The following DHRSX variants were observed in gnomAD, a reference collection of about 807,000 sequenced individuals.
DHRSX encodes polyprenol dehydrogenase.
In DHRSX, 31 loss-of-function variants were observed where a neutral mutation model predicts 34.0. The ratio of observed to expected loss-of-function variants is 0.91; its 90% CI spans 0.69 to 1.23. The LOEUF (loss-of-function observed/expected upper bound fraction) is 1.23. Among genes scored for constraint, DHRSX ranks in the 50% most tolerant of loss-of-function variants. The probability of loss-of-function intolerance (pLI) is 0.00; values close to 1 mark genes in which losing one functional copy is unlikely to be tolerated. For missense variants in DHRSX, 414 were observed against 428.1 expected, an observed-to-expected ratio of 0.97 and a Z score of 0.29; for synonymous variants, 201 against 183.8, an observed-to-expected ratio of 1.09 and a Z score of -0.76.
At chrX:2,489,594 C>T in intron 1 of DHRSX, 1 of 1,612,648 alleles carries the variant, frequency 6.2e-7, no homozygotes, top group Non-Finnish European at 8.5e-7. Flanking sequence ...CTGTCCTCCA[C>T]CAAGACCCCG....
chrX:2,392,815 A>G (rs1245600389), intron 3 of DHRSX, among the ~76,000 whole-genome samples: 1 of 53,930 alleles, frequency 1.9e-5, no homozygotes, highest in African/African-American at 7.9e-5. Flanking sequence ...AATTATTTAT[A>G]ATGACACAAA....
At chrX:2,227,281 G>A (rs1243098350) in intron 6 of DHRSX, among the ~76,000 whole-genome samples, 1 of 151,748 alleles carries the variant, frequency 6.6e-6, no homozygotes, top group Non-Finnish European at 1.5e-5. Flanking sequence ...GTGAAGGGTT[G>A]AGTGAAAGGG....
At chrX:2,315,958 A>G (rs1306095276) in intron 3 of DHRSX, among the ~76,000 whole-genome samples, 1 of 151,974 alleles carries the variant, frequency 6.6e-6, no homozygotes, top group Non-Finnish European at 1.5e-5. Context: ...GCCTCCCAAG[A>G]TCAAGTGATT....
At position 2,351,009 on chromosome X, in the gene DHRSX, T is replaced by C. The variant is rs1013957070; in HGVS notation, c.286+57736A>G. Among the ~76,000 whole-genome samples, 48 of 152,072 alleles carry C rather than the reference T, an allele frequency of 3.2e-4. 1 individual carries two copies. Among genetic ancestry groups the C allele is most frequent in the Non-Finnish European group, 1.0e-4 (7 of 68,028 alleles). On this transcript the variant is annotated intron_variant, in intron 3 of 6. Coordinates refer to ENST00000334651, the MANE Select transcript of DHRSX (RefSeq NM_145177.3). ...AAAACCAAACACTGCCTGTTTTCAC[T>C]CATAAGTGGGAGTTGAACAATGAGA...
intron 3 of DHRSX, among the ~76,000 whole-genome samples, chrX:2,386,148 G>A (rs916328488): frequency 7.1e-6 from 1 of 141,404 alleles, no homozygotes; most frequent in Admixed American, 7.5e-5. Context: ...AAAGTATATA[G>A]ATAATCAATT....
At chrX:2,248,657 A>AGAAAAGAAAAG (rs2016361086) in intron 5 of DHRSX, among the ~76,000 whole-genome samples, 1 of 145,238 alleles carries the variant, frequency 6.9e-6, no homozygotes, top group Non-Finnish European at 1.5e-5. Context: ...AAGAAAGAAA[A>AGAAAAGAAAAG]GAAAAGGAAA....
At chrX:2,459,846 G>A (rs1410375515) in intron 1 of DHRSX, among the ~76,000 whole-genome samples, 2 of 151,958 alleles carry the variant, frequency 1.3e-5, no homozygotes, top group African/African-American at 2.4e-5. Flanking sequence ...GGTGGCTCAC[G>A]CCTGTCATCC....
intron 4 of DHRSX, among the ~76,000 whole-genome samples, chrX:2,282,853 G>A (rs968189612): frequency 3.1e-5 from 4 of 128,122 alleles, no homozygotes; most frequent in African/African-American, 1.2e-4. Context: ...AGAGAGAGAA[G>A]GGAGAAGGGG....
chrX:2,287,287 A>G (rs2041814786), intron 4 of DHRSX, among the ~76,000 whole-genome samples: 1 of 152,198 alleles, frequency 6.6e-6, no homozygotes, highest in Admixed American at 6.5e-5. Context: ...GGGAGACACA[A>G]TAATGGCCCC....
intron 3 of DHRSX, among the ~76,000 whole-genome samples, chrX:2,327,366 G>C (rs1343705355): frequency 6.6e-6 from 1 of 152,220 alleles, no homozygotes; most frequent in Non-Finnish European, 1.5e-5. Flanking sequence ...GAAACGAGAT[G>C]CCTCAAGGGA....
At chrX:2,461,859 TG>T (rs892499198) in intron 1 of DHRSX, among the ~76,000 whole-genome samples, 4 of 152,160 alleles carry the variant, frequency 2.6e-5, no homozygotes, top group African/African-American at 9.7e-5. Flanking sequence ...TCTCACTTTT[TG>T]TATTTTTAGT....
chrX:2,319,716 G>T (rs1027497812), intron 3 of DHRSX, among the ~76,000 whole-genome samples: 13 of 151,778 alleles, frequency 8.6e-5, no homozygotes, highest in African/African-American at 3.1e-4. Flanking sequence ...AAAGCTTCCG[G>T]TCAAGAGTAC....
At position 2,480,168 on chromosome X, in the gene DHRSX, T is replaced by C. The variant is rs1338542601; in HGVS notation, c.109+20649A>G. Among the ~76,000 whole-genome samples the C allele has an allele frequency of 2.0e-5, 3 of 151,646 alleles. No homozygotes were observed. The East Asian group carries it at 5.8e-4, about 29-fold the overall frequency. ...AAGCAAATGTGGCATAGACACACAATGGAATAGTATGCAGCCATGAAAAAG... is the reference window on the plus strand; with the variant it reads ...AAGCAAATGTGGCATAGACACACAACGGAATAGTATGCAGCCATGAAAAAG... On this transcript the variant is annotated intron_variant, in intron 1 of 6. Coordinates refer to ENST00000334651, the MANE Select transcript of DHRSX (RefSeq NM_145177.3).
intron 2 of DHRSX, among the ~76,000 whole-genome samples, chrX:2,416,943 A>AT (rs1412965580): frequency 6.6e-6 from 1 of 152,154 alleles, no homozygotes; most frequent in Non-Finnish European, 1.5e-5. Context: ...GTTCAATGAT[A>AT]TTTTTTCATT....
rs1556483988 is a variant in DHRSX, at chrX:2,346,645, G to GTT, written c.287-55044_287-55043dup. 2.8e-5 allele frequency among the ~76,000 whole-genome samples: 3 copies of GTT among 106,016 alleles called. No individual in the cohort carries two copies. In the East Asian group the frequency reaches 6.7e-4, roughly 24 times the overall value. 69.6% of individuals were successfully genotyped at this position (106,016 alleles called of 152,430 possible). A position where few individuals can be genotyped will look rare whatever the true frequency, so the allele number is the denominator to read the frequency against. On this transcript the variant is annotated intron_variant, in intron 3 of 6. Transcript: ENST00000334651. The stretch of plus-strand genomic sequence containing the variant: ...TTTGTAGGGATGTTGTATGAGTCTG[G>GTT]TTTTTTTTTTGTTGTTGTTGTTTAA...
intron 1 of DHRSX, among the ~76,000 whole-genome samples, chrX:2,464,398 ACTG>A (rs1428649704): frequency 2.2e-5 from 3 of 135,674 alleles, no homozygotes; most frequent in Non-Finnish European, 4.8e-5. Flanking sequence ...TGGCTAAGGG[ACTG>A]CTACCATATA....
intron 3 of DHRSX, among the ~76,000 whole-genome samples, chrX:2,371,612 G>A (rs2043071114): frequency 8.5e-6 from 1 of 117,662 alleles, no homozygotes; most frequent in Non-Finnish European, 1.8e-5. Context: ...CCCTCCTTCT[G>A]TTACCAGTCC....
At chrX:2,263,804 C>G (rs949088472) in intron 5 of DHRSX, among the ~76,000 whole-genome samples, 3 of 152,200 alleles carry the variant, frequency 2.0e-5, no homozygotes, top group African/African-American at 7.2e-5. Flanking sequence ...AGCCACCACA[C>G]CCGGACTGCT....
chrX:2,347,413 G>A (rs2042733974), intron 3 of DHRSX, among the ~76,000 whole-genome samples: 1 of 152,238 alleles, frequency 6.6e-6, no homozygotes, highest in Admixed American at 6.5e-5. Flanking sequence ...GAGATTTGGG[G>A]CCGGGCGCGG....
Sources: allele counts gnomAD v4.1 joint callset (sites outside exome capture counted in the v4.1 genomes callset), GRCh38; gene constraint gnomAD v4.1.1; transcripts MANE v1.5; gene names NCBI Gene and HGNC (gene_info 2026-07-23, HGNC 2026-07-21).